PCYT1A: variants seen among roughly 807,000 people sequenced by gnomAD.
PCYT1A encodes phosphate cytidylyltransferase 1A, choline, also known as choline-phosphate cytidylyltransferase A.
A neutral mutation model predicts 43.7 loss-of-function variants in PCYT1A; 25 were observed. The ratio of observed to expected loss-of-function variants is 0.57; its 90% confidence interval spans 0.42 to 0.80. The LOEUF is 0.80. Ranked by LOEUF, PCYT1A falls within the 30% of genes least tolerant of loss-of-function variation. The pLI, the probability that PCYT1A is intolerant of heterozygous loss-of-function variation, is 0.00. For synonymous variants in PCYT1A, 172 were observed against 170.7 expected (o/e 1.01, Z -0.06); for missense variants, 421 against 474.2 (o/e 0.89, Z 1.04).
chr3:196,280,213 T>C (rs1725718303), intron 1 of PCYT1A, among the ~76,000 whole-genome samples: 1 of 152,108 alleles, frequency 6.6e-6, no homozygotes, highest in Admixed American at 6.6e-5. Flanking sequence ...TCCTGAACTA[T>C]GTAACAATCT....
At chr3:196,263,261 T>C (rs1725169190) in intron 2 of PCYT1A, among the ~76,000 whole-genome samples, 1 of 152,104 alleles carries the variant, frequency 6.6e-6, no homozygotes, top group Non-Finnish European at 1.5e-5. Context: ...GTTGCCCAGG[T>C]TGGAATGCAG....
At chr3:196,255,230 G>A (rs1724919193) in intron 3 of PCYT1A, among the ~76,000 whole-genome samples, 1 of 152,146 alleles carries the variant, frequency 6.6e-6, no homozygotes, top group South Asian at 2.1e-4. Flanking sequence ...AAATTTATAG[G>A]CTAATTTGTG....
At chr3:196,285,423 C>T (rs1371283910) in intron 1 of PCYT1A, among the ~76,000 whole-genome samples, 5 of 152,084 alleles carry the variant, frequency 3.3e-5, no homozygotes, top group Non-Finnish European at 5.9e-5. Flanking sequence ...CGTGCCAGCA[C>T]ACTCCAGCCT....
chr3:196,285,751 C>G (rs1268331970), intron 1 of PCYT1A, among the ~76,000 whole-genome samples: 1 of 152,070 alleles, frequency 6.6e-6, no homozygotes, highest in Admixed American at 6.5e-5. Context: ...ATCATTTTGT[C>G]CCCCTTTCTT....
chr3:196,271,374 T>C lies in PCYT1A; in HGVS notation c.-10-833A>G, dbSNP rs116317193. ...TCAGTGACCACTTCACCAGAGTTAC[T>C]TGCATGAAAATTGTGGAGTAGCATA... On this transcript the variant is annotated intron_variant, in intron 1 of 8. Transcript: ENST00000431016. 9.3e-3 allele frequency among the ~76,000 whole-genome samples: 1,418 copies of C among 152,292 alleles called. 25 individuals are homozygous for C. The highest frequency in any genetic ancestry group is 0.032 in the African/African-American group (1,328 of 41,548).
intron 5 of PCYT1A, among the ~76,000 whole-genome samples, chr3:196,243,645 T>A (rs1372830108): frequency 1.3e-5 from 2 of 152,232 alleles, no homozygotes; most frequent in African/African-American, 4.8e-5. Context: ...CTGATTCTCC[T>A]GCCTCAGCCT....
rs894943726 is a variant in PCYT1A, at chr3:196,252,169, C to A, written c.218-3846G>T. 1.3e-5 allele frequency among the ~76,000 whole-genome samples: 2 copies of A among 152,046 alleles called. No individual in the cohort carries two copies. Among genetic ancestry groups the A allele is most frequent in the Admixed American group, 6.6e-5 (1 of 15,228 alleles). On this transcript the variant is annotated intron_variant, in intron 3 of 8. Coordinates refer to ENST00000431016, the MANE Select transcript of PCYT1A (RefSeq NM_001312673.2). This position sits in a 1 kb window ranked among gnomAD's most constrained non-coding sequence, Gnocchi z 4.0. ...CACCGCCACGCCCCACTGGCTACAG[C>A]GCACACCACTACGCTCAGCTGATTT...
chr3:196,245,512 G>A (rs73084691), intron 5 of PCYT1A, among the ~76,000 whole-genome samples: 18,130 of 152,122 alleles, frequency 0.12, 1,180 homozygotes, highest in South Asian at 0.19. Flanking sequence ...AATGTTGTTC[G>A]GAGGCGTGCT....
intron 1 of PCYT1A, among the ~76,000 whole-genome samples, 179 bp from the exon 2 acceptor site, chr3:196,270,720 C>T (rs550473115): frequency 2.0e-5 from 3 of 152,300 alleles, no homozygotes; most frequent in Non-Finnish European, 4.4e-5. Flanking sequence ...AACACAGGCT[C>T]TAGTAGAAAT....
chr3:196,251,882 A>T (rs1724800073), intron 3 of PCYT1A, among the ~76,000 whole-genome samples: 1 of 152,086 alleles, frequency 6.6e-6, no homozygotes, highest in Non-Finnish European at 1.5e-5. Context: ...TATTTTATGG[A>T]TATTAAACTG....
chr3:196,256,034 C>G (rs1369917243), intron 3 of PCYT1A, among the ~76,000 whole-genome samples: 1 of 152,140 alleles, frequency 6.6e-6, no homozygotes, highest in Non-Finnish European at 1.5e-5. Context: ...TAAGGGAAGC[C>G]AAACTCAAAA....
At chr3:196,256,333 T>C (rs1197055036) in intron 3 of PCYT1A, among the ~76,000 whole-genome samples, 1 of 151,850 alleles carries the variant, frequency 6.6e-6, no homozygotes, top group Non-Finnish European at 1.5e-5. Context: ...CTACTAAAAA[T>C]ACAAAAATTA....
chr3:196,243,632 T>C (rs868576114), intron 5 of PCYT1A, among the ~76,000 whole-genome samples: 60 of 152,182 alleles, frequency 3.9e-4, no homozygotes, highest in African/African-American at 1.3e-3. Context: ...GCAACCTCCC[T>C]GCCTGATTCT....
chr3:196,247,696 A>T lies in PCYT1A; in HGVS notation c.335-178T>A, dbSNP rs1577358284. ...TAACGCTTTTCCTAATGCAGCGTAT[A>T]CCTTCAGGAGCAACACTCACTAAAC... On this transcript the variant is annotated intron_variant, in intron 4 of 8. Coordinates refer to ENST00000431016, the MANE Select transcript of PCYT1A (RefSeq NM_001312673.2). The surrounding 1 kb of genome is among the most constrained non-coding windows in gnomAD (Gnocchi z 4.8). The T allele has an allele frequency of 1.4e-6, 1 of 702,820 alleles. No individual in the cohort carries two copies. Among genetic ancestry groups the T allele is most frequent in the East Asian group, 2.7e-5 (1 of 36,892 alleles). 43.5% of individuals were successfully genotyped at this position (702,820 alleles called of 1,614,324 possible).
chr3:196,267,415 G>A (rs1201782476), intron 2 of PCYT1A: 1 of 441,712 alleles, frequency 2.3e-6, no homozygotes, highest in Non-Finnish European at 4.5e-6. Flanking sequence ...CTTCTTTCTG[G>A]GGTGATAAAA....
rs1447895051 is a variant in PCYT1A at position 196,234,660 on chromosome 3, G to A, written c.*4028C>T. 6.6e-6 allele frequency: 1 copy of A among 152,170 alleles called. No homozygotes were observed. The highest frequency in any genetic ancestry group is 1.5e-5 in the Non-Finnish European group (1 of 68,030). The allele number at this position is 152,170 out of a possible 1,614,324, so 9.4% of individuals were successfully genotyped here. On this transcript the variant is annotated 3_prime_UTR_variant, in exon 9 of 9. Transcript: ENST00000431016. ...GGGAAGGCCCACTTCAAACCTCCAGGAACACAACCCAAGTCATCCCAGTGT... is the reference window on the plus strand; with the variant it reads ...GGGAAGGCCCACTTCAAACCTCCAGAAACACAACCCAAGTCATCCCAGTGT...
chr3:196,242,438 A>G lies in PCYT1A; in HGVS notation c.565+124T>C. ...ATGCTCATCTTTACCTTTTATCCAA[A>G]ATGTGGCCTGAAAGAGGATGTTGAA... On this transcript the variant is annotated intron_variant, in intron 6 of 8. Transcript: ENST00000431016. This position sits in a 1 kb window ranked among gnomAD's most constrained non-coding sequence, Gnocchi z 4.2. 1.3e-6 allele frequency: 1 copy of G among 769,056 alleles called. No homozygotes were observed. 47.6% of individuals were successfully genotyped at this position (769,056 alleles called of 1,614,324 possible).
chr3:196,238,775 G>A lies in PCYT1A; in HGVS notation c.1017C>T (p.Ser339=), dbSNP rs372804569. ...SPSPSFRWPF[S]GKTSPPCSPA... ...GGGAGCAAGGTGGGGAAGTCTTGCC[G>A]GAGAAGGGCCATCGGAAAGAGGGGG... Residue 339 remains serine (S), a synonymous_variant, in exon 9 of 9, where the codon TCC becomes TCT. Coordinates refer to ENST00000431016, the MANE Select transcript of PCYT1A (RefSeq NM_001312673.2). The A allele has an allele frequency of 8.1e-5, 128 of 1,589,784 alleles. 3 individuals are homozygous for A. The highest frequency in any genetic ancestry group is 5.8e-4 in the South Asian group (51 of 87,646).
intron 2 of PCYT1A, 22 bp downstream of exon 2, chr3:196,270,393 T>C: frequency 2.1e-6 from 3 of 1,453,286 alleles, no homozygotes; most frequent in Non-Finnish European, 2.9e-6. Context: ...ACCCTCCCCC[T>C]GCCAGGTTAA....
Sources: gnomAD v4.1 joint callset for allele counts (sites outside exome capture counted in the v4.1 genomes callset) on GRCh38, gnomAD v4.1.1 for gene constraint, Gnocchi (gnomAD v3.1) non-coding constraint, MANE v1.5 for transcripts, NCBI Gene and HGNC (gene_info 2026-07-23, HGNC 2026-07-21) for gene names.